Variants in ADAM17 observed in about 807,000 individuals in gnomAD.
ADAM17 encodes disintegrin and metalloproteinase domain-containing protein 17.
Under a neutral mutation model 96.7 loss-of-function variants are expected in ADAM17, and 39 were observed. The observed-to-expected ratio is 0.40, with a 90% CI of 0.31 to 0.53. The LOEUF is 0.53. Among genes scored for constraint, ADAM17 ranks in the 20% least tolerant of loss-of-function variants. The pLI, the probability that ADAM17 is intolerant of heterozygous loss-of-function variation, is 0.44. For synonymous variants in ADAM17, 344 were observed against 359.2 expected (o/e 0.96, Z 0.48); for missense variants, 777 against 1,013.2 (o/e 0.77, Z 3.17).
At chr2:9,492,108 G>A (rs541296902) in intron 17 of ADAM17, among the ~76,000 whole-genome samples, 11 of 152,334 alleles carry the variant, frequency 7.2e-5, no homozygotes, top group African/African-American at 2.4e-4. Flanking sequence ...AGGAAAGGAA[G>A]GAGGCAGTAG....
At chr2:9,505,418 C>T in intron 11 of ADAM17, 53 bp from the exon 12 acceptor site, 1 of 1,525,276 alleles carries the variant, frequency 6.6e-7, no homozygotes, top group South Asian at 1.1e-5. Context: ...AAAATGTATT[C>T]CCATGCAATG....
intron 2 of ADAM17, among the ~76,000 whole-genome samples, chr2:9,537,443 T>C (rs1478633045): frequency 2.0e-5 from 3 of 152,166 alleles, no homozygotes; most frequent in Non-Finnish European, 4.4e-5. Context: ...TATTTAAAAG[T>C]ACTCATGCGG....
intron 6 of ADAM17, among the ~76,000 whole-genome samples, chr2:9,524,116 T>C (rs1201314851): frequency 6.6e-6 from 1 of 151,988 alleles, no homozygotes; most frequent in Non-Finnish European, 1.5e-5. Flanking sequence ...ACAGTAATAA[T>C]ACATATTTTA....
intron 10 of ADAM17, among the ~76,000 whole-genome samples, chr2:9,513,402 A>G (rs1558509060): frequency 6.6e-6 from 1 of 152,236 alleles, no homozygotes; most frequent in Non-Finnish European, 1.5e-5. Flanking sequence ...AAAGAGGAGA[A>G]TGTGGAAACC....
At chr2:9,543,671 C>T (rs1267990503) in intron 1 of ADAM17, among the ~76,000 whole-genome samples, 1 of 152,050 alleles carries the variant, frequency 6.6e-6, no homozygotes, top group Non-Finnish European at 1.5e-5. Context: ...GCTCACAAAA[C>T]CAGTTTTAAA....
chr2:9,554,048 G>GCAAGA (rs1316445643), intron 1 of ADAM17, among the ~76,000 whole-genome samples: 3 of 152,036 alleles, frequency 2.0e-5, no homozygotes, highest in Non-Finnish European at 4.4e-5. Flanking sequence ...GGGCAACAGA[G>GCAAGA]CAAGACTCTG....
intron 2 of ADAM17, among the ~76,000 whole-genome samples, chr2:9,538,058 T>A (rs1665061804): frequency 6.7e-6 from 1 of 149,832 alleles, no homozygotes; most frequent in African/African-American, 2.5e-5. Context: ...GTGGGCTTAC[T>A]ATTCTTTTTG....
intron 1 of ADAM17, among the ~76,000 whole-genome samples, chr2:9,554,733 A>G (rs1665689137): frequency 6.6e-6 from 1 of 152,220 alleles, no homozygotes; most frequent in Admixed American, 6.5e-5. Flanking sequence ...AGATCCCTTA[A>G]TGCATCTCCA....
intron 10 of ADAM17, among the ~76,000 whole-genome samples, chr2:9,514,558 TATATA>T (rs1663948535): frequency 1.6e-5 from 1 of 61,950 alleles, no homozygotes; most frequent in Non-Finnish European, 3.2e-5. Context: ...TATATATATA[TATATA>T]TATATAAATA....
Position 9,555,601 on chromosome 2 carries a change from C to G in ADAM17, c.5G>C (p.Arg2Thr), listed in dbSNP as rs758557343. The change falls in exon 1 of 19, where the codon AGG becomes ACG. Residue 2 changes from arginine to threonine, a missense_variant. Physicochemically the swap from Arg to Thr is moderately conservative, Grantham distance 71. Around this residue, in one of 3 missense-constraint regions of ADAM17, gnomAD observed 134 missense variants for 129.1 expected, o/e 1.04. Transcript: ENST00000310823. ...GCTGGTCAGGAATAGGAGAGACTGC[C>G]TCATGTTCCCGGCCCCGCTACCGAC... M[R>T]QSLLFLTSVV... 9 of 1,575,730 alleles carry G rather than the reference C, an allele frequency of 5.7e-6. No homozygotes were observed. The highest frequency in any genetic ancestry group is 8.6e-7 in the Non-Finnish European group (1 of 1,160,166).
intron 14 of ADAM17, among the ~76,000 whole-genome samples, chr2:9,495,673 C>G (rs959933274): frequency 6.7e-6 from 1 of 150,070 alleles, no homozygotes; most frequent in Admixed American, 6.6e-5. Context: ...GAGATCGCGC[C>G]ACTGCACTCC....
chr2:9,515,113 C>T (rs1263861338), intron 10 of ADAM17, among the ~76,000 whole-genome samples: 1 of 152,136 alleles, frequency 6.6e-6, no homozygotes, highest in African/African-American at 2.4e-5. Flanking sequence ...ATGTCTTATA[C>T]TGACTGTTGA....
intron 1 of ADAM17, among the ~76,000 whole-genome samples, chr2:9,554,195 T>C (rs553814924): frequency 1.3e-5 from 2 of 152,370 alleles, no homozygotes; most frequent in South Asian, 4.1e-4. Flanking sequence ...AACAGATTAA[T>C]AACATAAGTG....
chr2:9,510,215 TAG>T lies in ADAM17; in HGVS notation c.1192-86_1192-85del, dbSNP rs1223237833. ...CCAGTTGGGCCTATGCTGTCTTAAA[TAG>T]AGCCTTATAATCAGATCAACAAGAG... On this transcript the variant is annotated intron_variant, in intron 10 of 18. Transcript: ENST00000310823. 29 of 1,294,142 alleles carry T rather than the reference TAG, an allele frequency of 2.2e-5. No individual in the cohort carries two copies. The East Asian group carries it at 5.9e-4, about 26-fold the overall frequency. The allele number at this position is 1,294,142 out of a possible 1,614,324, so 80.2% of individuals were successfully genotyped here.
chr2:9,494,947 A>C (rs1182810694), intron 14 of ADAM17, 180 bp from the exon 15 acceptor site: 4 of 625,786 alleles, frequency 6.4e-6, no homozygotes, highest in Non-Finnish European at 1.0e-5. Flanking sequence ...CACACTCCTC[A>C]GCCTTCAGTG....
At chr2:9,529,000 G>A (rs1664634109) in intron 4 of ADAM17, among the ~76,000 whole-genome samples, 1 of 152,172 alleles carries the variant, frequency 6.6e-6, no homozygotes, top group South Asian at 2.1e-4. Flanking sequence ...TAGCTAAAAA[G>A]TGGAAACAAC....
At chr2:9,542,149 C>T (rs956912545) in intron 2 of ADAM17, among the ~76,000 whole-genome samples, 1 of 152,182 alleles carries the variant, frequency 6.6e-6, no homozygotes, top group African/African-American at 2.4e-5. Flanking sequence ...TTTAACATTT[C>T]AATGTGCAAA....
chr2:9,514,126 A>G (rs895832560), intron 10 of ADAM17, among the ~76,000 whole-genome samples: 7 of 152,052 alleles, frequency 4.6e-5, no homozygotes, highest in Admixed American at 3.3e-4. Context: ...CAACAATGAT[A>G]GACTGGATTA....
intron 4 of ADAM17, among the ~76,000 whole-genome samples, chr2:9,530,689 T>C (rs1664701144): frequency 6.6e-6 from 1 of 152,172 alleles, no homozygotes; most frequent in Non-Finnish European, 1.5e-5. Flanking sequence ...TATTAGATAA[T>C]ATTGTAGAAT....
Sources: gnomAD v4.1 joint callset for allele counts (sites outside exome capture counted in the v4.1 genomes callset) on GRCh38, gnomAD v4.1.1 for gene constraint, gnomAD v4.1.1 regional missense constraint, MANE v1.5 for transcripts, NCBI Gene and HGNC (gene_info 2026-07-23, HGNC 2026-07-21) for gene names.